TLN1: variants seen among roughly 807,000 people sequenced by gnomAD.
TLN1 encodes talin 1.
A neutral mutation model predicts 292.3 loss-of-function variants in TLN1; 56 were observed. That is an observed-to-expected ratio of 0.19 (90% CI 0.15 to 0.24). The LOEUF is 0.24. Ranked by LOEUF, TLN1 falls within the 10% of genes least tolerant of loss-of-function variation. The pLI, the probability that TLN1 is intolerant of heterozygous loss-of-function variation, is 1.00. For missense variants in TLN1, 2,433 were observed against 3,248.2 expected (o/e 0.75, Z 6.10); for synonymous variants, 1,119 against 1,253.7 (o/e 0.89, Z 2.27).
chr9:35,717,139 G>A lies in TLN1; in HGVS notation c.2458+7C>T, dbSNP rs772128074. 1.4e-5 allele frequency: 23 copies of A among 1,591,254 alleles called. No individual in the cohort carries two copies. The highest frequency in any genetic ancestry group is 3.4e-5 in the Admixed American group (2 of 59,026). ...GTTTTTTGTTTTCCTGGGGGTGCGT[G>A]TCTTACCAGCATCACCCATGGAGCT... On this transcript the variant is annotated splice_region_variant and intron_variant, in intron 19 of 56. Transcript: ENST00000314888. The surrounding 1 kb of genome is among the most constrained non-coding windows in gnomAD (Gnocchi z 4.7).
At position 35,703,604 on chromosome 9, in the gene TLN1, G is replaced by T. The variant is rs998720486; in HGVS notation, c.6430C>A (p.Arg2144=). Residue 2144 remains arginine (R), a synonymous_variant, in exon 48 of 57, where the codon CGG becomes AGG. Transcript: ENST00000314888. ...AVEDEATKGT[R]ALEATTEHIR... is the part of the protein sequence containing the mutation. The stretch of plus-strand genomic sequence containing the variant: ...TGTTCTGTGGTTGCCTCCAGGGCCC[G>T]AGTGCCTTTGGTGGCCTCATCTTCC... 3.7e-6 allele frequency: 6 copies of T among 1,614,156 alleles called. No individual in the cohort carries two copies. The highest frequency in any genetic ancestry group is 5.1e-6 in the Non-Finnish European group (6 of 1,180,024).
intron 8 of TLN1, 118 bp from the exon 9 acceptor site, chr9:35,722,341 A>G (rs1825891053): frequency 1.1e-6 from 1 of 876,220 alleles, no homozygotes; most frequent in Non-Finnish European, 1.9e-6. Flanking sequence ...GTTGAGGAGT[A>G]CAAGATATGA....
intron 10 of TLN1, 60 bp from the exon 11 acceptor site, chr9:35,720,973 C>T: frequency 1.4e-6 from 2 of 1,396,312 alleles, no homozygotes; most frequent in Non-Finnish European, 2.0e-6. Context: ...ATGGAAATGG[C>T]TAGGATGGGA....
chr9:35,713,856 A>G, intron 25 of TLN1, 97 bp downstream of exon 25: 1 of 1,344,682 alleles, frequency 7.4e-7, no homozygotes, highest in Non-Finnish European at 1.0e-6. Context: ...GAGAAAAAAG[A>G]AAAAGGAAGG....
In TLN1 at chr9:35,712,915, T is replaced by C; in HGVS notation, c.3481A>G (p.Lys1161Glu). ...VLDTASDVLD[K>E]ASSLIEEAKK... ...GCCTCCTCAATGAGGCTGCTGGCCT[T>C]GTCCAGCACATCACTGGCCGTATCA... is the stretch of plus-strand genomic sequence containing the variant. The change falls in exon 27 of 57, where the codon AAG becomes GAG. Residue 1161 changes from lysine to glutamate, a missense_variant. By Grantham distance (56) the Lys-to-Glu change is moderately conservative. Transcript: ENST00000314888. 1 of 1,607,388 alleles carries C rather than the reference T, an allele frequency of 6.2e-7. No homozygotes were observed. The highest frequency in any genetic ancestry group is 8.5e-7 in the Non-Finnish European group (1 of 1,176,930).
Position 35,725,687 on chromosome 9 carries a change from G to A in TLN1, c.8C>T (p.Ala3Val). ...CCCAATGCTGATCTTCAGTGAAAGT[G>A]CAACCATGGTGGCAGCTTCTTTTCT... Reference protein sequence around the residue: MVALSLKISIGNV... With the variant: MVVLSLKISIGNV... Residue 3 changes from alanine to valine, a missense_variant, in exon 2 of 57, where the codon GCA (alanine) becomes GTA (valine). Physicochemically the swap from Ala to Val is moderately conservative, Grantham distance 64 (BLOSUM62 0). Coordinates refer to ENST00000314888, the MANE Select transcript of TLN1 (RefSeq NM_006289.4). 6.2e-7 allele frequency: 1 copy of A among 1,613,662 alleles called. No homozygotes were observed. Among genetic ancestry groups the A allele is most frequent in the South Asian group, 1.1e-5 (1 of 91,044 alleles).
Position 35,711,020 on chromosome 9 carries a change from T to A in TLN1, c.4082A>T (p.Lys1361Met). ...TTCCCGCAGGGCGTTATCACACTCC[T>A]TCTGGCCGGGTGCCTGCTGGGTGCA... Reference protein sequence around the residue: ...TMCTQQAPGQKECDNALRELE... With the variant: ...TMCTQQAPGQMECDNALRELE... Residue 1361 changes from lysine to methionine, a missense_variant, in exon 31 of 57, where the codon AAG becomes ATG. This residue lies in a region of TLN1 where 1,384 missense variants were observed against 1,699.6 expected (regional missense o/e 0.81). Transcript: ENST00000314888. The A allele has an allele frequency of 6.2e-7, 1 of 1,614,262 alleles. No individual in the cohort carries two copies. The highest frequency in any genetic ancestry group is 8.5e-7 in the Non-Finnish European group (1 of 1,180,048).
chr9:35,719,806 C>T lies in TLN1; in HGVS notation c.1512G>A (p.Gln504=). ...GGGTGGCCTGGGCAGCCTGCACGGC[C>T]TGCATGCTGGAGTTAATGGTTCCAG... is the stretch of plus-strand genomic sequence containing the variant. ...ALTGTINSSM[Q]AVQAAQATLD... Residue 504 remains glutamine, a synonymous_variant, in exon 14 of 57, where the codon CAG becomes CAA. Coordinates refer to ENST00000314888, the MANE Select transcript of TLN1 (RefSeq NM_006289.4). This position sits in a 1 kb window ranked among gnomAD's most constrained non-coding sequence, Gnocchi z 4.6. 2 of 1,601,732 alleles carry T rather than the reference C, an allele frequency of 1.2e-6. No individual in the cohort carries two copies. The highest frequency in any genetic ancestry group is 1.7e-6 in the Non-Finnish European group (2 of 1,173,908).
rs1200782838 is a variant in TLN1, at chr9:35,717,503, A to G, written c.2164-63T>C. Reference sequence around the variant, plus strand: ...AAAGGAGGTAGAGTATGCTGCTCATAGCAGTAACTGGGATGGGTGAGGAGG... The same window carrying G: ...AAAGGAGGTAGAGTATGCTGCTCATGGCAGTAACTGGGATGGGTGAGGAGG... On this transcript the variant is annotated intron_variant, in intron 18 of 56. Coordinates refer to ENST00000314888, the MANE Select transcript of TLN1 (RefSeq NM_006289.4). The surrounding 1 kb of genome is among the most constrained non-coding windows in gnomAD (Gnocchi z 4.7). 1 of 1,582,588 alleles carries G rather than the reference A, an allele frequency of 6.3e-7. No individual in the cohort carries two copies. Among genetic ancestry groups the G allele is most frequent in the Non-Finnish European group, 8.6e-7 (1 of 1,159,706 alleles).
At chr9:35,703,960 C>A in intron 46 of TLN1, 31 bp downstream of exon 46, 1 of 1,612,684 alleles carries the variant, frequency 6.2e-7, no homozygotes, top group Non-Finnish European at 8.5e-7. Flanking sequence ...GGAAGTGATT[C>A]CAGCCGGAAT....
Position 35,714,811 on chromosome 9 carries a change from A to G in TLN1, c.2820T>C (p.Ser940=), listed in dbSNP as rs1280837373. 1.3e-6 allele frequency: 2 copies of G among 1,578,420 alleles called. No homozygotes were observed. Among genetic ancestry groups the G allele is most frequent in the Non-Finnish European group, 1.7e-6 (2 of 1,162,394 alleles). The change falls in exon 22 of 57, where the codon TCT becomes TCC. Residue 940 remains serine (S), a synonymous_variant. Coordinates refer to ENST00000314888, the MANE Select transcript of TLN1 (RefSeq NM_006289.4). This position sits in a 1 kb window ranked among gnomAD's most constrained non-coding sequence, Gnocchi z 4.6. ...GGGGGCCGGCAGAGGCCTTGGGGGT[A>G]GAGGCTGCGTGCTGAGCTGCAGCGA... The part of the protein sequence containing the change: ...QTIAAAQHAA[S]TPKASAGPQP...
In TLN1 at chr9:35,703,648, A is replaced by G. The variant is rs1361450118; in HGVS notation, c.6386T>C (p.Leu2129Pro). Residue 2129 changes from leucine to proline, a missense_variant, in exon 48 of 57, where the codon CTT becomes CCT. Around this residue, in one of 7 missense-constraint regions of TLN1, gnomAD observed 1,384 missense variants for 1,699.6 expected, o/e 0.81. Coordinates refer to ENST00000314888, the MANE Select transcript of TLN1 (RefSeq NM_006289.4). Reference protein sequence around the residue: ...KVMVTNVTSLLKTVKAVEDEA... With the variant: ...KVMVTNVTSLPKTVKAVEDEA... ...ATCTTCCACGGCTTTTACTGTCTTA[A>G]GCAATGATGTCACATTGGTCACCAT... 1 of 1,614,220 alleles carries G rather than the reference A, an allele frequency of 6.2e-7. No individual in the cohort carries two copies. The highest frequency in any genetic ancestry group is 1.1e-5 in the South Asian group (1 of 91,082).
chr9:35,704,786 C>T lies in TLN1; in HGVS notation c.5763G>A (p.Gln1921=). 6.2e-7 allele frequency: 1 copy of T among 1,614,166 alleles called. No individual in the cohort carries two copies. The highest frequency in any genetic ancestry group is 8.5e-7 in the Non-Finnish European group (1 of 1,180,004). The change falls in exon 44 of 57, where the codon CAG becomes CAA. Residue 1921 remains glutamine (Q), a synonymous_variant. Coordinates refer to ENST00000314888, the MANE Select transcript of TLN1 (RefSeq NM_006289.4). This position sits in a 1 kb window ranked among gnomAD's most constrained non-coding sequence, Gnocchi z 6.9. ...EIGSHIKHRV[Q]ELGHGCAALV... is the part of the protein sequence containing the mutation. Reference sequence around the variant, plus strand: ...GAGCGGCACAGCCATGGCCCAGCTCCTGTACCCGGTGTTTGATATGGGAAC... The same window carrying T: ...GAGCGGCACAGCCATGGCCCAGCTCTTGTACCCGGTGTTTGATATGGGAAC...
At chr9:35,702,611 G>C (rs1825484418) in intron 48 of TLN1, among the ~76,000 whole-genome samples, 1 of 151,944 alleles carries the variant, frequency 6.6e-6, no homozygotes, top group Non-Finnish European at 1.5e-5. Context: ...TCCTGCCTTA[G>C]CCTCCCAAGC....
At chr9:35,712,625 G>C (rs1825694574) in intron 27 of TLN1, among the ~76,000 whole-genome samples, 1 of 146,568 alleles carries the variant, frequency 6.8e-6, no homozygotes, top group African/African-American at 2.5e-5. Flanking sequence ...TCCAGCCTGG[G>C]CAGTAAGAGC....
rs183245812 is a variant in TLN1 at position 35,717,475 on chromosome 9, G to C, written c.2164-35C>G. 8.1e-6 allele frequency: 13 copies of C among 1,599,498 alleles called. No homozygotes were observed. The highest frequency in any genetic ancestry group is 3.4e-5 in the Admixed American group (2 of 59,544). On this transcript the variant is annotated intron_variant, in intron 18 of 56. Transcript: ENST00000314888. The surrounding 1 kb of genome is among the most constrained non-coding windows in gnomAD (Gnocchi z 4.7). ...AAGTGAATGTCAGAGACGTAGGCAA[G>C]GGAAAGGAGGTAGAGTATGCTGCTC...
intron 7 of TLN1, chr9:35,723,640 T>C: frequency 6.2e-6 from 2 of 321,098 alleles, no homozygotes; most frequent in Non-Finnish European, 1.2e-5. Flanking sequence ...TAACCCATGT[T>C]CCCTATAGGG....
Position 35,720,514 on chromosome 9 carries a change from AG to A in TLN1, c.1207-6del. On this transcript the variant is annotated splice_polypyrimidine_tract_variant and splice_region_variant and intron_variant, in intron 11 of 56. Transcript: ENST00000314888. ...AAAGTGATCCTTGCTTTTTTTCTGT[AG>A]GAAGGAAAAAGGAACAAGAGTTGGG... is the stretch of plus-strand genomic sequence containing the variant. 3 of 1,613,904 alleles carry A rather than the reference AG, an allele frequency of 1.9e-6. No homozygotes were observed. Among genetic ancestry groups the A allele is most frequent in the Non-Finnish European group, 2.5e-6 (3 of 1,179,908 alleles).
At chr9:35,720,380 G>A in intron 12 of TLN1, 53 bp downstream of exon 12, 1 of 1,599,970 alleles carries the variant, frequency 6.3e-7, no homozygotes. Flanking sequence ...CTTAGAGTCA[G>A]GCCTTGCCTT....
Sources: allele counts gnomAD v4.1 joint callset (sites outside exome capture counted in the v4.1 genomes callset), GRCh38; gene constraint gnomAD v4.1.1; regional missense constraint gnomAD v4.1.1; non-coding constraint Gnocchi (gnomAD v3.1); transcripts MANE v1.5; gene names NCBI Gene and HGNC (gene_info 2026-07-23, HGNC 2026-07-21).